AGAP1: variants seen among roughly 807,000 people sequenced by gnomAD.
AGAP1 encodes the protein arf-GAP with GTPase, ANK repeat and PH domain-containing protein 1.
A neutral mutation model predicts 105.3 loss-of-function variants in AGAP1; 29 were observed. That is an observed-to-expected ratio of 0.28 (90% CI 0.21 to 0.38). The LOEUF is 0.38. Among genes scored for constraint, AGAP1 ranks in the 10% least tolerant of loss-of-function variants. The pLI is 1.00. For synonymous variants in AGAP1, 509 were observed against 485.9 expected, an observed-to-expected ratio of 1.05 and a Z score of -0.63; for missense variants, 998 against 1,165.1, an observed-to-expected ratio of 0.86 and a Z score of 2.09.
intron 1 of AGAP1, among the ~76,000 whole-genome samples, chr2:235,693,180 G>A (rs1949821888): frequency 6.6e-6 from 1 of 152,204 alleles, no homozygotes; most frequent in African/African-American, 2.4e-5. Flanking sequence ...CCGCCTGAGG[G>A]TTTGCTCAGC....
intron 3 of AGAP1, chr2:235,718,354 T>C: frequency 1.0e-6 from 1 of 985,228 alleles, no homozygotes; most frequent in Non-Finnish European, 1.2e-6. Context: ...TCCTTCTTTT[T>C]CTTACTGGCT....
intron 1 of AGAP1, among the ~76,000 whole-genome samples, chr2:235,634,306 C>T (rs894505482): frequency 6.6e-6 from 1 of 152,214 alleles, no homozygotes; most frequent in South Asian, 2.1e-4. Context: ...TTCATCGACA[C>T]ATCCTTTGGA....
chr2:236,025,139 T>C lies in AGAP1; in HGVS notation c.1646-11422T>C, dbSNP rs147738369. On this transcript the variant is annotated intron_variant, in intron 13 of 17. Transcript: ENST00000304032. The stretch of plus-strand genomic sequence containing the variant: ...GAGCTTCTACAACCTGAAATCTGTT[T>C]TTACAGTGAATGAAATAGAAGCCAC... 5.4e-3 allele frequency among the ~76,000 whole-genome samples: 819 copies of C among 152,308 alleles called. 4 individuals are homozygous for C. The highest frequency in any genetic ancestry group is 0.019 in the African/African-American group (772 of 41,554).
chr2:235,498,983 C>T (rs1259824113), intron 1 of AGAP1, among the ~76,000 whole-genome samples: 1 of 152,200 alleles, frequency 6.6e-6, no homozygotes, highest in Admixed American at 6.5e-5. Flanking sequence ...CCCACTTTGT[C>T]CCATGATACA....
At chr2:235,987,947 G>A (rs1267724658) in intron 13 of AGAP1, among the ~76,000 whole-genome samples, 1 of 152,140 alleles carries the variant, frequency 6.6e-6, no homozygotes, top group Non-Finnish European at 1.5e-5. Flanking sequence ...ATATAAACAT[G>A]TTAAAAATAT....
intron 11 of AGAP1, among the ~76,000 whole-genome samples, chr2:235,923,244 T>A (rs1337485593): frequency 6.6e-6 from 1 of 152,200 alleles, no homozygotes; most frequent in Non-Finnish European, 1.5e-5. Context: ...CTATACTGTT[T>A]GGGGCTGGGC....
intron 6 of AGAP1, among the ~76,000 whole-genome samples, chr2:235,779,098 G>A (rs181326261): frequency 2.9e-4 from 44 of 152,294 alleles, no homozygotes; most frequent in African/African-American, 9.4e-4. Flanking sequence ...AGTCAGCTTC[G>A]GCGCTCCCCA....
chr2:235,964,846 T>C lies in AGAP1; in HGVS notation c.1484-3616T>C, dbSNP rs112742195. Among the ~76,000 whole-genome samples, 5,317 of 152,222 alleles carry C rather than the reference T, an allele frequency of 0.035. 173 individuals are homozygous for C. Among genetic ancestry groups the C allele is most frequent in the South Asian group, 0.1 (498 of 4,818 alleles). ...GTGGAGCTGGCCGCACAGTCTAGGC[T>C]TGGGGGTAAGGTAAGAACTGGACCA... On this transcript the variant is annotated intron_variant, in intron 12 of 17. Coordinates refer to ENST00000304032, the MANE Select transcript of AGAP1 (RefSeq NM_001037131.3). This position sits in a 1 kb window ranked among gnomAD's most constrained non-coding sequence, Gnocchi z 4.6.
rs955582158 is a variant in AGAP1 at position 235,610,288 on chromosome 2, C to T, written c.164-98891C>T. 1.3e-5 allele frequency among the ~76,000 whole-genome samples: 2 copies of T among 152,152 alleles called. No homozygotes were observed. The highest frequency in any genetic ancestry group is 4.8e-5 in the African/African-American group (2 of 41,448). On this transcript the variant is annotated intron_variant, in intron 1 of 17. Coordinates refer to ENST00000304032, the MANE Select transcript of AGAP1 (RefSeq NM_001037131.3). The surrounding 1 kb of genome is among the most constrained non-coding windows in gnomAD (Gnocchi z 4.9). ...CTGCTGTATCCTTATGATACCTCGTCATCTTGGAGTCCACCGTGCACTTGT... is the reference window on the plus strand; with the variant it reads ...CTGCTGTATCCTTATGATACCTCGTTATCTTGGAGTCCACCGTGCACTTGT...
intron 6 of AGAP1, chr2:235,775,511 AAAAT>A (rs1240608795): frequency 6.6e-6 from 1 of 152,222 alleles, no homozygotes; most frequent in Non-Finnish European, 1.5e-5. Flanking sequence ...ACAAAAAAGA[AAAAT>A]AAATGTACTT....
chr2:236,044,426 G>A lies in AGAP1; in HGVS notation c.1891+3585G>A, dbSNP rs2057654042. 6.6e-6 allele frequency among the ~76,000 whole-genome samples: 1 copy of A among 152,172 alleles called. No homozygotes were observed. Among genetic ancestry groups the A allele is most frequent in the African/African-American group, 2.4e-5 (1 of 41,438 alleles). ...TGAGAGGCAGCTCACCGTTTCTGCT[G>A]CTTTCTCTCTGCCCATCCATGTCGC... On this transcript the variant is annotated intron_variant, in intron 15 of 17. Transcript: ENST00000304032. This position sits in a 1 kb window ranked among gnomAD's most constrained non-coding sequence, Gnocchi z 5.7.
intron 8 of AGAP1, among the ~76,000 whole-genome samples, chr2:235,802,649 GTGA>G (rs1486923860): frequency 4.8e-5 from 7 of 144,684 alleles, no homozygotes; most frequent in African/African-American, 1.6e-4. Flanking sequence ...GATGGTTGTG[GTGA>G]TGATGATGGT....
At chr2:235,794,189 T>G (rs1413442866) in intron 6 of AGAP1, among the ~76,000 whole-genome samples, 3 of 152,122 alleles carry the variant, frequency 2.0e-5, no homozygotes, top group Non-Finnish European at 2.9e-5. Context: ...CACGCACACT[T>G]GCACAGTTGA....
rs569158657 is a variant in AGAP1, at chr2:235,707,199, G to T, written c.164-1980G>T. 7.2e-5 allele frequency among the ~76,000 whole-genome samples: 11 copies of T among 152,360 alleles called. No homozygotes were observed. In the East Asian group the frequency reaches 1.7e-3, roughly 24 times the overall value. The stretch of plus-strand genomic sequence containing the variant: ...GTGCAGGGAGAAGTCCGCCTCCCAG[G>T]CATCTTCTTCCTCAGGGCTCTTGGG... On this transcript the variant is annotated intron_variant, in intron 1 of 17. Transcript: ENST00000304032.
intron 1 of AGAP1, among the ~76,000 whole-genome samples, chr2:235,523,332 G>C (rs1942697245): frequency 6.6e-6 from 1 of 152,186 alleles, no homozygotes; most frequent in South Asian, 2.1e-4. Flanking sequence ...TGAGGGTGCA[G>C]TTCTTCAGCT....
chr2:236,026,510 C>T (rs2057059601), intron 13 of AGAP1, among the ~76,000 whole-genome samples: 1 of 152,214 alleles, frequency 6.6e-6, no homozygotes, highest in Non-Finnish European at 1.5e-5. Flanking sequence ...AGGCACATCA[C>T]CTGAGGCCAG....
chr2:236,004,315 GTTA>G (rs773847753), intron 13 of AGAP1, among the ~76,000 whole-genome samples: 1 of 152,092 alleles, frequency 6.6e-6, no homozygotes, highest in Non-Finnish European at 1.5e-5. Flanking sequence ...CTTTGTCATT[GTTA>G]TTAAAAAGAT....
Position 236,129,804 on chromosome 2 carries a change from C to CT in AGAP1, c.*5688dup, listed in dbSNP as rs1442925239. ...AAGGGATTCTGGGAAACCAACAAGT[C>CT]TTTTTTAAATCTTTGAGTTGTATGA... On this transcript the variant is annotated 3_prime_UTR_variant, in exon 18 of 18. Transcript: ENST00000304032. The surrounding 1 kb of genome is among the most constrained non-coding windows in gnomAD (Gnocchi z 6.2). The CT allele has an allele frequency of 2.0e-5, 3 of 152,290 alleles. No individual in the cohort carries two copies. In the East Asian group the frequency reaches 5.8e-4, roughly 29 times the overall value. The allele number at this position is 152,290 out of a possible 1,614,324, so 9.4% of individuals were successfully genotyped here.
chr2:235,892,901 G>A (rs972117405), intron 10 of AGAP1, among the ~76,000 whole-genome samples: 62 of 152,354 alleles, frequency 4.1e-4, no homozygotes, highest in African/African-American at 1.4e-3. Context: ...ATTTTCAGAT[G>A]TGAAGCTGGG....
Sources: gnomAD v4.1 joint callset for allele counts (sites outside exome capture counted in the v4.1 genomes callset) on GRCh38, gnomAD v4.1.1 for gene constraint, Gnocchi (gnomAD v3.1) non-coding constraint, MANE v1.5 for transcripts, NCBI Gene and HGNC (gene_info 2026-07-23, HGNC 2026-07-21) for gene names.